Variants in PCDH7 observed in about 807,000 individuals in gnomAD.
The protein encoded by PCDH7 is protocadherin-7.
A neutral mutation model predicts 58.9 loss-of-function variants in PCDH7; 17 were observed. The ratio of observed to expected loss-of-function variants is 0.29; its 90% CI spans 0.20 to 0.43. The LOEUF is 0.43. Ranked by LOEUF, PCDH7 falls within the 20% of genes least tolerant of loss-of-function variation. The probability of loss-of-function intolerance (pLI) is 1.00; values close to 1 mark genes in which losing one functional copy is unlikely to be tolerated. For missense variants in PCDH7, 1,274 were observed against 1,441.0 expected (o/e 0.88, Z 1.88); for synonymous variants, 664 against 616.4 (o/e 1.08, Z -1.14).
intron 3 of PCDH7, among the ~76,000 whole-genome samples, chr4:30,992,925 A>C (rs1751580422): frequency 6.7e-6 from 1 of 149,914 alleles, no homozygotes; most frequent in African/African-American, 2.5e-5. Context: ...CAGCCTCCTG[A>C]GTAGCTGGGA....
At chr4:30,834,285 G>T (rs1239137645) in intron 1 of PCDH7, among the ~76,000 whole-genome samples, 1 of 152,020 alleles carries the variant, frequency 6.6e-6, no homozygotes, top group Non-Finnish European at 1.5e-5. Context: ...AATAATTTTT[G>T]AACAAAGGGC....
chr4:30,951,693 C>T (rs1747387564), intron 3 of PCDH7, among the ~76,000 whole-genome samples: 1 of 152,090 alleles, frequency 6.6e-6, no homozygotes, highest in Admixed American at 6.6e-5. Context: ...CTTGATTCAT[C>T]CACACAAAGA....
At chr4:30,971,194 C>G (rs900311200) in intron 3 of PCDH7, among the ~76,000 whole-genome samples, 1 of 152,166 alleles carries the variant, frequency 6.6e-6, no homozygotes, top group South Asian at 2.1e-4. Flanking sequence ...AGTTTCTTAA[C>G]TAGCTTGTAT....
Position 30,722,088 on chromosome 4 carries a change from C to T in PCDH7, c.666C>T (p.Ser222=), listed in dbSNP as rs1193269333. ...CGAGCGGCGGCGGCTCGGGAGGCTC[C>T]AAGCGGCGGCTGGACGCATCAGAGG... The change falls in exon 1 of 2, where the codon TCC becomes TCT. Residue 222 remains serine (S), a synonymous_variant. Coordinates refer to ENST00000361762, the Ensembl canonical transcript of PCDH7. This position sits in a 1 kb window ranked among gnomAD's most constrained non-coding sequence, Gnocchi z 7.6. 7.6e-7 allele frequency: 1 copy of T among 1,322,302 alleles called. No homozygotes were observed. The highest frequency in any genetic ancestry group is 9.6e-7 in the Non-Finnish European group (1 of 1,040,940). The allele number at this position is 1,322,302 out of a possible 1,614,324, so 81.9% of individuals were successfully genotyped here. A position where few individuals can be genotyped will look rare whatever the true frequency, so the allele number is the denominator to read the frequency against.
intron 1 of PCDH7, among the ~76,000 whole-genome samples, chr4:30,727,933 A>G (rs1240070699): frequency 6.6e-6 from 1 of 151,906 alleles, no homozygotes; most frequent in Admixed American, 6.6e-5. Context: ...TGCACTTACA[A>G]GTAAAAATTT....
intron 1 of PCDH7, among the ~76,000 whole-genome samples, chr4:30,884,025 T>C (rs1024712192): frequency 2.0e-5 from 3 of 152,202 alleles, no homozygotes; most frequent in African/African-American, 4.8e-5. Flanking sequence ...AGAGGAAAAG[T>C]ACTTTTTCCT....
chr4:31,000,971 C>A lies in PCDH7; in HGVS notation c.*7+50756C>A, dbSNP rs139855310. ...CCCTGTTATATAGATGGTGAAGCAT[C>A]AAAAGTATATTAATTAAACGGGGAA... On this transcript the variant is annotated intron_variant, in intron 3 of 3. Coordinates refer to the PCDH7 transcript ENST00000509759. Among the ~76,000 whole-genome samples, 70 of 152,092 alleles carry A rather than the reference C, an allele frequency of 4.6e-4. No homozygotes were observed. In the East Asian group the frequency reaches 0.011, roughly 25 times the overall value.
chr4:30,968,567 A>G (rs1203650763), intron 3 of PCDH7, among the ~76,000 whole-genome samples: 10 of 151,702 alleles, frequency 6.6e-5, no homozygotes, highest in Admixed American at 3.3e-4. Context: ...TTAACCTTCT[A>G]AAGACATTAT....
chr4:30,941,815 T>A (rs964243264), intron 2 of PCDH7, among the ~76,000 whole-genome samples: 2 of 151,928 alleles, frequency 1.3e-5, no homozygotes, highest in Non-Finnish European at 2.9e-5. Context: ...ATCCTAGATA[T>A]GTGTGCTAGG....
intron 3 of PCDH7, among the ~76,000 whole-genome samples, chr4:31,085,577 T>C (rs1342372941): frequency 6.9e-6 from 1 of 144,082 alleles, no homozygotes; most frequent in African/African-American, 2.6e-5. Flanking sequence ...CAAGATAGAG[T>C]CAGTTAAGTT....
chr4:30,956,313 C>T (rs1747865418), intron 3 of PCDH7, among the ~76,000 whole-genome samples: 1 of 151,854 alleles, frequency 6.6e-6, no homozygotes. Context: ...AACTTTGTAC[C>T]TGGATTTGGT....
chr4:31,130,589 T>C (rs1455548349), intron 3 of PCDH7, among the ~76,000 whole-genome samples: 1 of 152,114 alleles, frequency 6.6e-6, no homozygotes, highest in African/African-American at 2.4e-5. Flanking sequence ...GCAATGAAAA[T>C]TTATTTAAAT....
downstream of PCDH7, chr4:31,146,412 G>A (rs1415237447): frequency 6.6e-6 from 1 of 151,988 alleles, no homozygotes. Flanking sequence ...CATGAATATA[G>A]TAAATCTTGT....
At chr4:30,964,809 T>C (rs2109464894) in intron 3 of PCDH7, among the ~76,000 whole-genome samples, 1 of 152,272 alleles carries the variant, frequency 6.6e-6, no homozygotes, top group South Asian at 2.1e-4. Flanking sequence ...TTTTCCACAT[T>C]TTACAGGTGA....
chr4:31,006,849 G>T (rs572044614), intron 3 of PCDH7, among the ~76,000 whole-genome samples: 1 of 150,546 alleles, frequency 6.6e-6, no homozygotes, highest in Non-Finnish European at 1.5e-5. Flanking sequence ...CTGAGATCAC[G>T]CTACTGCACT....
intron 1 of PCDH7, among the ~76,000 whole-genome samples, chr4:30,739,453 T>TATATATAAATATAAATAAAATAAATATA (rs1560318200): frequency 6.6e-6 from 1 of 151,858 alleles, no homozygotes; most frequent in African/African-American, 2.4e-5. Context: ...ATTTTTTAAA[T>TATATATAAATATAAATAAAATAAATATA]TGCATCTAAA....
intron 1 of PCDH7, among the ~76,000 whole-genome samples, chr4:30,796,460 G>C (rs1334250231): frequency 6.6e-6 from 1 of 152,094 alleles, no homozygotes; most frequent in Non-Finnish European, 1.5e-5. Context: ...TCTATGTACT[G>C]CTGTGATAAC....
chr4:30,721,399 C>A lies in PCDH7; in HGVS notation c.-24C>A. On this transcript the variant is annotated 5_prime_UTR_variant, in exon 1 of 2. Transcript: ENST00000361762. This position sits in a 1 kb window ranked among gnomAD's most constrained non-coding sequence, Gnocchi z 6.7. ...CCGAGGGGGCTGTGGTTAGAAGGAG[C>A]AGTAGCAGCAGCAGCAGGAGAAGAT... 6.8e-7 allele frequency: 1 copy of A among 1,468,622 alleles called. No homozygotes were observed. The highest frequency in any genetic ancestry group is 9.0e-7 in the Non-Finnish European group (1 of 1,111,790). 91.0% of individuals were successfully genotyped at this position (1,468,622 alleles called of 1,614,324 possible).
intron 1 of PCDH7, among the ~76,000 whole-genome samples, chr4:30,841,841 C>T (rs1299535951): frequency 2.6e-5 from 4 of 152,010 alleles, no homozygotes; most frequent in Non-Finnish European, 5.9e-5. Context: ...GGGGATGTTA[C>T]CACCCTAAAA....
Sources: allele counts gnomAD v4.1 joint callset (sites outside exome capture counted in the v4.1 genomes callset), GRCh38; gene constraint gnomAD v4.1.1; non-coding constraint Gnocchi (gnomAD v3.1); transcripts MANE v1.5; gene names NCBI Gene and HGNC (gene_info 2026-07-23, HGNC 2026-07-21).